The following MLLT10 variants were observed in gnomAD, a reference collection of about 807,000 sequenced individuals.
MLLT10 encodes protein AF-10.
Under a neutral mutation model 129.1 loss-of-function variants are expected in MLLT10, and 30 were observed. The ratio of observed to expected loss-of-function variants is 0.23; its 90% confidence interval spans 0.17 to 0.32. The LOEUF is 0.32. MLLT10 is among the 10% of genes least tolerant of loss of function. The pLI is 1.00. For missense variants in MLLT10, 1,119 were observed against 1,268.3 expected, an observed-to-expected ratio of 0.88 and a Z score of 1.79; for synonymous variants, 490 against 446.4, an observed-to-expected ratio of 1.10 and a Z score of -1.23.
chr10:21,736,412 G>A (rs546808761), intron 21 of MLLT10, among the ~76,000 whole-genome samples: 97 of 152,290 alleles, frequency 6.4e-4, no homozygotes, highest in Non-Finnish European at 1.2e-3. Flanking sequence ...AGCCTCCCGA[G>A]TAGCTGGGAC....
At chr10:21,660,548 G>A (rs529321326) in intron 9 of MLLT10, among the ~76,000 whole-genome samples, 1 of 146,668 alleles carries the variant, frequency 6.8e-6, no homozygotes, top group Non-Finnish European at 1.5e-5. Context: ...CCTGAGAGGC[G>A]GAGGTTGCAG....
intron 10 of MLLT10, among the ~76,000 whole-genome samples, chr10:21,672,214 T>A (rs1303604641): frequency 6.6e-6 from 1 of 151,222 alleles, no homozygotes; most frequent in Non-Finnish European, 1.5e-5. Flanking sequence ...TGTGTGTATT[T>A]TGAGACAGGG....
At chr10:21,693,878 GTTTAA>G (rs1327803768) in intron 13 of MLLT10, among the ~76,000 whole-genome samples, 1 of 152,018 alleles carries the variant, frequency 6.6e-6, no homozygotes, top group Non-Finnish European at 1.5e-5. Flanking sequence ...CTTTAGCTGT[GTTTAA>G]TTTATTGTTT....
chr10:21,610,103 C>G (rs905477047), intron 5 of MLLT10, among the ~76,000 whole-genome samples: 3 of 152,182 alleles, frequency 2.0e-5, no homozygotes, highest in African/African-American at 7.2e-5. Flanking sequence ...CACTCTTGCT[C>G]TATAAGAGGG....
rs369647316 is a variant in MLLT10 at position 21,534,835 on chromosome 10, C to T, written c.160+31C>T. 16 of 1,540,702 alleles carry T rather than the reference C, an allele frequency of 1.0e-5. No homozygotes were observed. The African/African-American group carries it at 1.7e-4, about 16-fold the overall frequency. On this transcript the variant is annotated intron_variant, in intron 2 of 22. Transcript: ENST00000307729. ...CACCCAACCGCCCGCCGGGGCGCGC[C>T]GGCCTGCGCCCAACGGTCACCGCCG...
rs746805601 is a variant in MLLT10, at chr10:21,727,909, C to G, written c.2044C>G (p.Arg682Gly). 3.7e-6 allele frequency: 6 copies of G among 1,613,798 alleles called. No homozygotes were observed. Among genetic ancestry groups the G allele is most frequent in the African/African-American group, 1.3e-5 (1 of 74,874 alleles). The change falls in exon 16 of 23, where the codon CGA becomes GGA. Residue 682 changes from arginine (R) to glycine (G), a missense_variant. By Grantham distance (125) the Arg-to-Gly change is moderately radical. Coordinates refer to ENST00000307729, the MANE Select transcript of MLLT10 (RefSeq NM_001195626.3). Reference sequence around the variant, plus strand: ...CCTAGTTGGCAGAGGAAGCTCACCCCGAGGAAGTCTCTCGCCACGGTAAGC... The same window carrying G: ...CCTAGTTGGCAGAGGAAGCTCACCCGGAGGAAGTCTCTCGCCACGGTAAGC... ...RNLVGRGSSP[R>G]GSLSPRSPVS...
chr10:21,708,575 T>G (rs990532149), intron 13 of MLLT10: 3 of 985,148 alleles, frequency 3.0e-6, no homozygotes, highest in Non-Finnish European at 3.6e-6. Flanking sequence ...TGTGTGTGTT[T>G]TTTTTTTACC....
intron 9 of MLLT10, among the ~76,000 whole-genome samples, chr10:21,657,255 T>C (rs1480862389): frequency 1.3e-5 from 2 of 151,948 alleles, no homozygotes; most frequent in African/African-American, 2.4e-5. Context: ...TAGCTGGGCA[T>C]GGTGGCATGT....
chr10:21,670,699 C>T lies in MLLT10; in HGVS notation c.1046C>T (p.Pro349Leu). 1.9e-6 allele frequency: 3 copies of T among 1,613,466 alleles called. No homozygotes were observed. The highest frequency in any genetic ancestry group is 2.5e-6 in the Non-Finnish European group (3 of 1,179,768). ...GTTVSAASPF[P>L]QGSFSGTPGS... The stretch of plus-strand genomic sequence containing the variant: ...ACTGTGTCAGCAGCTAGCCCTTTTC[C>T]TCAAGGTATTAGTGATGTTTTAGTT... The change falls in exon 10 of 23, where the codon CCT becomes CTT. Residue 349 changes from proline (P) to leucine (L), a missense_variant. This residue lies in a region of MLLT10 where 1,004 missense variants were observed against 1,008.7 expected (regional missense o/e 1.00). Transcript: ENST00000307729.
chr10:21,625,573 GA>G (rs1196932447), intron 8 of MLLT10: 14 of 764,244 alleles, frequency 1.8e-5, no homozygotes, highest in Non-Finnish European at 3.2e-5. Context: ...TAAGGAAGCA[GA>G]ACCCCCATTT....
At chr10:21,573,611 G>A (rs79545682) in intron 3 of MLLT10, among the ~76,000 whole-genome samples, 6 of 147,190 alleles carry the variant, frequency 4.1e-5, no homozygotes, top group Non-Finnish European at 7.5e-5. Flanking sequence ...TTTTTTTTTA[G>A]TGATGGGTAC....
At chr10:21,569,718 G>T (rs1209863455) in intron 3 of MLLT10, among the ~76,000 whole-genome samples, 1 of 151,410 alleles carries the variant, frequency 6.6e-6, no homozygotes, top group Non-Finnish European at 1.5e-5. Context: ...ACCATGCCCG[G>T]CCCACCCAGT....
At chr10:21,673,097 T>C (rs2051643871) in intron 10 of MLLT10, among the ~76,000 whole-genome samples, 1 of 152,110 alleles carries the variant, frequency 6.6e-6, no homozygotes, top group Admixed American at 6.5e-5. Context: ...TAATAATTAT[T>C]TAAGTAATAG....
chr10:21,538,091 C>A (rs2130888875), intron 2 of MLLT10, among the ~76,000 whole-genome samples: 1 of 151,662 alleles, frequency 6.6e-6, no homozygotes, highest in East Asian at 1.9e-4. Context: ...GCCTTGACTT[C>A]CCAGGCTCAA....
chr10:21,616,340 AT>A (rs2045251174), intron 7 of MLLT10, among the ~76,000 whole-genome samples: 1 of 152,110 alleles, frequency 6.6e-6, no homozygotes, highest in Non-Finnish European at 1.5e-5. Flanking sequence ...GTTGGGAAAA[AT>A]ATCTGTTTAA....
At chr10:21,738,373 T>A in intron 21 of MLLT10, 1 of 1,280,896 alleles carries the variant, frequency 7.8e-7, no homozygotes, top group Non-Finnish European at 1.0e-6. Context: ...TTGGGTGTCT[T>A]CCTATTAATC....
Position 21,673,723 on chromosome 10 carries a change from G to C in MLLT10, c.1425G>C (p.Lys475Asn). 6.2e-7 allele frequency: 1 copy of C among 1,614,114 alleles called. No homozygotes were observed. Among genetic ancestry groups the C allele is most frequent in the Non-Finnish European group, 8.5e-7 (1 of 1,180,018 alleles). ...AAAGGAAAGGAAATAAACAAAGTAA[G>C]CATGGGCCTGGCAGACCCAAAGGAA... ...EKKRKGNKQS[K>N]HGPGRPKGNK... is the part of the protein sequence containing the mutation. The change falls in exon 11 of 23, where the codon AAG becomes AAC. Residue 475 changes from lysine to asparagine, a missense_variant. Around this residue, in one of 5 missense-constraint regions of MLLT10, gnomAD observed 1,004 missense variants for 1,008.7 expected, o/e 1.00. Transcript: ENST00000307729.
At chr10:21,645,970 C>G (rs563163088) in intron 8 of MLLT10, among the ~76,000 whole-genome samples, 1 of 152,014 alleles carries the variant, frequency 6.6e-6, no homozygotes, top group Non-Finnish European at 1.5e-5. Context: ...TTTGGGAGGC[C>G]GAGGCAGGCA....
chr10:21,728,938 A>G lies in MLLT10; in HGVS notation c.2063+1010A>G, dbSNP rs371755066. Among the ~76,000 whole-genome samples the G allele has an allele frequency of 7.3e-5, 11 of 150,074 alleles. No individual in the cohort carries two copies. The East Asian group carries it at 1.8e-3, about 24-fold the overall frequency. On this transcript the variant is annotated intron_variant, in intron 16 of 22. Transcript: ENST00000307729. ...GATCATGAATAACAGTATTGCTGATATATTTGGGGAATGTCTGTTAAGGAA... is the reference window on the plus strand; with the variant it reads ...GATCATGAATAACAGTATTGCTGATGTATTTGGGGAATGTCTGTTAAGGAA...
Sources: gnomAD v4.1 joint callset for allele counts (sites outside exome capture counted in the v4.1 genomes callset) on GRCh38, gnomAD v4.1.1 for gene constraint, gnomAD v4.1.1 regional missense constraint, MANE v1.5 for transcripts, NCBI Gene and HGNC (gene_info 2026-07-23, HGNC 2026-07-21) for gene names.